Variants in SNX13 observed in about 807,000 individuals in gnomAD.
SNX13 encodes the protein sorting nexin 13.
A neutral mutation model predicts 133.6 loss-of-function variants in SNX13; 45 were observed. That is an observed-to-expected ratio of 0.34 (90% confidence interval 0.27 to 0.43). The LOEUF is 0.43. Among genes scored for constraint, SNX13 ranks in the 20% least tolerant of loss-of-function variants. The pLI is 1.00. For synonymous variants in SNX13, 414 were observed against 373.9 expected (o/e 1.11, Z -1.24); for missense variants, 1,032 against 1,145.1 (o/e 0.90, Z 1.43).
Position 17,834,873 on chromosome 7 carries a change from A to G in SNX13, c.1360-8T>C. On this transcript the variant is annotated splice_region_variant and splice_polypyrimidine_tract_variant and intron_variant, in intron 13 of 25. Coordinates refer to ENST00000428135, the MANE Select transcript of SNX13 (RefSeq NM_015132.5). ...AGTAACTCTTGGAGATGCCTAACAG[A>G]GAAAAATAATAGTAATGATCTCTGT... is the stretch of plus-strand genomic sequence containing the variant. 1 of 1,502,598 alleles carries G rather than the reference A, an allele frequency of 6.7e-7. No individual in the cohort carries two copies. The highest frequency in any genetic ancestry group is 9.2e-7 in the Non-Finnish European group (1 of 1,084,030). 93.1% of individuals were successfully genotyped at this position (1,502,598 alleles called of 1,614,324 possible). A position where few individuals can be genotyped will look rare whatever the true frequency, so the allele number is the denominator to read the frequency against.
intron 20 of SNX13, among the ~76,000 whole-genome samples, chr7:17,806,311 C>T (rs1383206522): frequency 6.6e-6 from 1 of 152,150 alleles, no homozygotes; most frequent in Non-Finnish European, 1.5e-5. Context: ...TTTTCCAAAG[C>T]TAGGATACAT....
chr7:17,805,342 G>A (rs1333438018), intron 20 of SNX13, among the ~76,000 whole-genome samples: 1 of 151,226 alleles, frequency 6.6e-6, no homozygotes, highest in Non-Finnish European at 1.5e-5. Flanking sequence ...CAAATCAATC[G>A]GGACATTATT....
intron 17 of SNX13, among the ~76,000 whole-genome samples, chr7:17,822,168 T>C (rs1787368023): frequency 6.6e-6 from 1 of 152,122 alleles, no homozygotes; most frequent in African/African-American, 2.4e-5. Flanking sequence ...TTTGATACGT[T>C]CAGTAGTTCA....
At chr7:17,930,778 G>A (rs1801305593) in intron 1 of SNX13, among the ~76,000 whole-genome samples, 1 of 152,144 alleles carries the variant, frequency 6.6e-6, no homozygotes. Context: ...TGAGCAGCAG[G>A]GGTTAGTGGC....
At chr7:17,862,321 T>G (rs920183504) in intron 9 of SNX13, among the ~76,000 whole-genome samples, 9 of 152,198 alleles carry the variant, frequency 5.9e-5, no homozygotes, top group Non-Finnish European at 1.2e-4. Context: ...TAAACAAATT[T>G]TATTATTATT....
At chr7:17,862,144 C>T (rs1262545844) in intron 9 of SNX13, among the ~76,000 whole-genome samples, 2 of 152,122 alleles carry the variant, frequency 1.3e-5, no homozygotes, top group Admixed American at 6.6e-5. Context: ...AAACTGAACA[C>T]TAAAAAATAT....
chr7:17,834,635 A>T (rs907938107), intron 14 of SNX13, 126 bp downstream of exon 14: 14 of 531,434 alleles, frequency 2.6e-5, no homozygotes, highest in Non-Finnish European at 4.2e-5. Context: ...ATTGAGAAGT[A>T]TAATTGCCAT....
chr7:17,801,540 G>T, intron 22 of SNX13, 48 bp downstream of exon 22: 1 of 1,419,982 alleles, frequency 7.0e-7, no homozygotes, highest in Non-Finnish European at 9.7e-7. Flanking sequence ...AAAAAGATAT[G>T]CCAAGTATGA....
intron 22 of SNX13, among the ~76,000 whole-genome samples, chr7:17,799,802 C>A (rs1332427559): frequency 4.0e-5 from 6 of 151,618 alleles, no homozygotes; most frequent in Admixed American, 3.9e-4. Context: ...GGAAGACGAT[C>A]GGAATGCTTT....
chr7:17,810,614 C>T (rs1785892973), intron 20 of SNX13, among the ~76,000 whole-genome samples: 1 of 152,078 alleles, frequency 6.6e-6, no homozygotes, highest in Non-Finnish European at 1.5e-5. Flanking sequence ...CTATTCCAAA[C>T]AACAGAAAAA....
intron 1 of SNX13, among the ~76,000 whole-genome samples, chr7:17,913,911 T>C (rs969674414): frequency 2.0e-5 from 3 of 151,614 alleles, no homozygotes; most frequent in Non-Finnish European, 4.4e-5. Flanking sequence ...CAGAATGAAA[T>C]ATCTGAAATG....
At chr7:17,873,350 T>C (rs940338176) in intron 8 of SNX13, among the ~76,000 whole-genome samples, 178 bp downstream of exon 8, 1 of 152,264 alleles carries the variant, frequency 6.6e-6, no homozygotes, top group Non-Finnish European at 1.5e-5. Flanking sequence ...TATTTTCATG[T>C]TTTAAAAATT....
intron 16 of SNX13, among the ~76,000 whole-genome samples, chr7:17,826,428 ATTATG>A (rs1787921077): frequency 6.6e-6 from 1 of 152,144 alleles, no homozygotes; most frequent in South Asian, 2.1e-4. Context: ...AAGTAGACAT[ATTATG>A]TTAACATTTA....
intron 11 of SNX13, among the ~76,000 whole-genome samples, chr7:17,846,409 A>C (rs573169397): frequency 6.6e-6 from 1 of 152,192 alleles, no homozygotes; most frequent in East Asian, 1.9e-4. Context: ...AAGATGAAAA[A>C]GGTTGCCTAT....
intron 12 of SNX13, among the ~76,000 whole-genome samples, chr7:17,841,701 T>C (rs963719023): frequency 9.2e-5 from 14 of 151,624 alleles, no homozygotes; most frequent in African/African-American, 3.2e-4. Context: ...GAATATCTAC[T>C]AGATGAAGAC....
At chr7:17,833,412 G>A (rs1025765288) in intron 15 of SNX13, among the ~76,000 whole-genome samples, 11 of 151,638 alleles carry the variant, frequency 7.3e-5, no homozygotes, top group African/African-American at 2.7e-4. Flanking sequence ...GAAAAATGAG[G>A]CTTGAAGAAT....
chr7:17,907,007 T>C (rs1583718163), intron 1 of SNX13, among the ~76,000 whole-genome samples: 1 of 152,218 alleles, frequency 6.6e-6, no homozygotes, highest in Admixed American at 6.5e-5. Flanking sequence ...TCCATTCATG[T>C]TGGTTATGTT....
chr7:17,897,238 T>G lies in SNX13; in HGVS notation c.125+96A>C, dbSNP rs969249160. 2.9e-4 allele frequency: 174 copies of G among 590,504 alleles called. 1 individual carries two copies. Among genetic ancestry groups the G allele is most frequent in the Middle Eastern group, 2.6e-3 (9 of 3,512 alleles). 36.6% of individuals were successfully genotyped at this position (590,504 alleles called of 1,614,324 possible). A position where few individuals can be genotyped will look rare whatever the true frequency, so the allele number is the denominator to read the frequency against. On this transcript the variant is annotated intron_variant, in intron 2 of 25. Coordinates refer to ENST00000428135, the MANE Select transcript of SNX13 (RefSeq NM_015132.5). ...TAAAAGCAATTTATTAAAAATGGCA[T>G]TCACAAATAAATCATACTCCCGTTT...
Position 17,868,485 on chromosome 7 carries a change from G to C in SNX13, c.759C>G (p.Ile253Met), listed in dbSNP as rs1401830745. 2 of 1,600,036 alleles carry C rather than the reference G, an allele frequency of 1.2e-6. No individual in the cohort carries two copies. Among genetic ancestry groups the C allele is most frequent in the African/African-American group, 1.4e-5 (1 of 74,052 alleles). Residue 253 changes from isoleucine (I) to methionine (M), a missense_variant, in exon 9 of 26, where the codon ATC (isoleucine) becomes ATG (methionine). Coordinates refer to ENST00000428135, the MANE Select transcript of SNX13 (RefSeq NM_015132.5). ...NKIMRYFVREILARGILLPLI... is the reference protein window; with the variant it reads ...NKIMRYFVREMLARGILLPLI... Reference sequence around the variant, plus strand: ...ATGGAAGAAGAATTCCTCGTGCAAGGATTTCCTGAAAAAAAAGTAAATAAC... The same window carrying C: ...ATGGAAGAAGAATTCCTCGTGCAAGCATTTCCTGAAAAAAAAGTAAATAAC...
Sources: gnomAD v4.1 joint callset for allele counts (sites outside exome capture counted in the v4.1 genomes callset) on GRCh38, gnomAD v4.1.1 for gene constraint, MANE v1.5 for transcripts, NCBI Gene and HGNC (gene_info 2026-07-23, HGNC 2026-07-21) for gene names.